Variants in MAN1C1 observed in about 807,000 individuals in gnomAD.
MAN1C1 encodes the protein mannosyl-oligosaccharide 1,2-alpha-mannosidase IC.
Under a neutral mutation model 71.5 loss-of-function variants are expected in MAN1C1, and 49 were observed. That is an observed-to-expected ratio of 0.69 (90% CI 0.54 to 0.87). The LOEUF is 0.87. Ranked by LOEUF, MAN1C1 falls within the 40% of genes least tolerant of loss-of-function variation. The pLI is 0.00. For missense variants in MAN1C1, 743 were observed against 835.0 expected (o/e 0.89, Z 1.36); for synonymous variants, 352 against 343.7 (o/e 1.02, Z -0.27).
rs141766078 is a variant in MAN1C1 at position 25,769,501 on chromosome 1, C to T, written c.1142-2156C>T. On this transcript the variant is annotated intron_variant, in intron 7 of 11. Coordinates refer to ENST00000374332, the MANE Select transcript of MAN1C1 (RefSeq NM_020379.4). The surrounding 1 kb of genome is among the most constrained non-coding windows in gnomAD (Gnocchi z 4.8). ...TCTCAACACCGCGGACCCTAATGAC[C>T]TGGCTCCCTCCCCTGCGTGCCCCTC... is the stretch of plus-strand genomic sequence containing the variant. 6.6e-6 allele frequency among the ~76,000 whole-genome samples: 1 copy of T among 152,278 alleles called. No individual in the cohort carries two copies. Among genetic ancestry groups the T allele is most frequent in the East Asian group, 1.9e-4 (1 of 5,180 alleles).
At chr1:25,736,186 G>A (rs1219272702) in intron 2 of MAN1C1, among the ~76,000 whole-genome samples, 1 of 152,102 alleles carries the variant, frequency 6.6e-6, no homozygotes, top group East Asian at 1.9e-4. Flanking sequence ...AGTCCTATTG[G>A]GTAGTTAAAA....
At chr1:25,719,084 A>C (rs1207454905) in intron 2 of MAN1C1, among the ~76,000 whole-genome samples, 1 of 147,520 alleles carries the variant, frequency 6.8e-6, no homozygotes, top group African/African-American at 2.5e-5. Flanking sequence ...TATTATTATT[A>C]TTATTGAGAC....
intron 1 of MAN1C1, among the ~76,000 whole-genome samples, chr1:25,666,995 C>G (rs562981338): frequency 1.3e-4 from 20 of 152,268 alleles, no homozygotes; most frequent in Admixed American, 5.2e-4. Flanking sequence ...CAGGCCCCAG[C>G]AGGAAGTCCC....
chr1:25,780,849 G>T, intron 9 of MAN1C1, 91 bp from the exon 10 acceptor site: 1 of 1,387,832 alleles, frequency 7.2e-7, no homozygotes, highest in Non-Finnish European at 1.0e-6. Context: ...CACCCTGGCC[G>T]CGGGTTCAAG....
intron 1 of MAN1C1, among the ~76,000 whole-genome samples, chr1:25,641,664 A>G (rs996112393): frequency 3.9e-5 from 6 of 152,214 alleles, no homozygotes; most frequent in African/African-American, 1.4e-4. Flanking sequence ...AATCTTTAGA[A>G]TGAACCTATG....
intron 1 of MAN1C1, among the ~76,000 whole-genome samples, chr1:25,652,785 G>A (rs975486409): frequency 2.0e-5 from 3 of 152,180 alleles, no homozygotes; most frequent in African/African-American, 4.8e-5. Context: ...TGCCTGGCCC[G>A]TAGGAGGTGT....
intron 7 of MAN1C1, among the ~76,000 whole-genome samples, chr1:25,767,895 C>T (rs1437575694): frequency 8.1e-6 from 1 of 123,136 alleles, no homozygotes; most frequent in Non-Finnish European, 1.7e-5. Context: ...TCACACTCCC[C>T]TCATACACAC....
intron 1 of MAN1C1, among the ~76,000 whole-genome samples, chr1:25,672,843 G>T (rs1232503844): frequency 2.0e-5 from 3 of 152,218 alleles, no homozygotes; most frequent in African/African-American, 7.2e-5. Context: ...GCGTGGTGGG[G>T]AAAGTCCAAG....
chr1:25,694,377 A>T (rs2046344498), intron 2 of MAN1C1, among the ~76,000 whole-genome samples: 2 of 152,172 alleles, frequency 1.3e-5, no homozygotes, highest in South Asian at 4.1e-4. Context: ...CCCAAATTGG[A>T]TTCCGCCTCT....
At chr1:25,744,477 C>T (rs940277157) in intron 2 of MAN1C1, among the ~76,000 whole-genome samples, 5 of 152,016 alleles carry the variant, frequency 3.3e-5, no homozygotes, top group Non-Finnish European at 5.9e-5. Context: ...CCCTCCTTGG[C>T]GAACTCCCTT....
chr1:25,763,274 A>C (rs1405277518), intron 6 of MAN1C1, among the ~76,000 whole-genome samples: 5 of 152,132 alleles, frequency 3.3e-5, no homozygotes, highest in South Asian at 2.1e-4. Flanking sequence ...TCAAAAAAAA[A>C]GGTCAGGAGT....
In MAN1C1 at chr1:25,783,736, C is replaced by T; in HGVS notation, c.1840C>T (p.Pro614Ser). ...EDWVFNTEAH[P>S]LPVNHSDSSG... ...CTGGGTGTTCAACACCGAGGCCCAC[C>T]CACTCCCGGTGAACCACTCAGACAG... The change falls in exon 12 of 12, where the codon CCA becomes TCA. Residue 614 changes from proline to serine, a missense_variant. Transcript: ENST00000374332. 6.2e-7 allele frequency: 1 copy of T among 1,613,272 alleles called. No homozygotes were observed. Among genetic ancestry groups the T allele is most frequent in the Non-Finnish European group, 8.5e-7 (1 of 1,180,028 alleles).
intron 1 of MAN1C1, among the ~76,000 whole-genome samples, chr1:25,671,955 G>A (rs1238571295): frequency 1.3e-5 from 2 of 152,232 alleles, no homozygotes; most frequent in Non-Finnish European, 2.9e-5. Flanking sequence ...TGGCTCACAT[G>A]ATTATGGAGG....
chr1:25,667,725 T>G (rs932203783), intron 1 of MAN1C1, among the ~76,000 whole-genome samples: 3 of 152,192 alleles, frequency 2.0e-5, no homozygotes, highest in African/African-American at 7.2e-5. Flanking sequence ...AACACAGCGC[T>G]TTAGCTCAGC....
intron 1 of MAN1C1, among the ~76,000 whole-genome samples, chr1:25,653,648 T>TC: frequency 6.6e-6 from 1 of 152,254 alleles, no homozygotes; most frequent in East Asian, 1.9e-4. Context: ...CCGTTGGTCT[T>TC]AAGAGCTGCT....
chr1:25,732,594 GC>G (rs1163266684), intron 2 of MAN1C1, among the ~76,000 whole-genome samples: 1 of 152,208 alleles, frequency 6.6e-6, no homozygotes, highest in Non-Finnish European at 1.5e-5. Flanking sequence ...ATGATCTCTA[GC>G]CCTCAGGATG....
At chr1:25,635,442 T>C (rs996825238) in intron 1 of MAN1C1, among the ~76,000 whole-genome samples, 47 of 149,726 alleles carry the variant, frequency 3.1e-4, no homozygotes, top group South Asian at 1.7e-3. Context: ...TTCTTTCTTT[T>C]TTTTTTTTTT....
Position 25,782,642 on chromosome 1 carries a change from A to T in MAN1C1, c.1708A>T (p.Ser570Cys). The T allele has an allele frequency of 2.5e-6, 4 of 1,614,110 alleles. No homozygotes were observed. Among genetic ancestry groups the T allele is most frequent in the Non-Finnish European group, 2.5e-6 (3 of 1,180,006 alleles). ...TTTCTCTGGGATCCAAGACGTGTAC[A>T]GTAGCACCCCCAACCACGACAACAA... ...AGFSGIQDVY[S>C]STPNHDNKQQ... Residue 570 changes from serine to cysteine, a missense_variant, in exon 11 of 12, where the codon AGT becomes TGT. Coordinates refer to ENST00000374332, the MANE Select transcript of MAN1C1 (RefSeq NM_020379.4). The surrounding 1 kb of genome is among the most constrained non-coding windows in gnomAD (Gnocchi z 4.4).
intron 2 of MAN1C1, among the ~76,000 whole-genome samples, chr1:25,721,718 G>A (rs773949663): frequency 6.6e-6 from 1 of 152,166 alleles, no homozygotes; most frequent in Admixed American, 6.5e-5. Context: ...CAAACAGATC[G>A]TTTTACTTCC....
Sources: allele counts gnomAD v4.1 joint callset (sites outside exome capture counted in the v4.1 genomes callset), GRCh38; gene constraint gnomAD v4.1.1; non-coding constraint Gnocchi (gnomAD v3.1); transcripts MANE v1.5; gene names NCBI Gene and HGNC (gene_info 2026-07-23, HGNC 2026-07-21).